STEAP2: variants seen among roughly 807,000 people sequenced by gnomAD.
STEAP2 encodes metalloreductase STEAP2.
STEAP2 carries 30 observed loss-of-function variants against 46.4 expected under a neutral mutation model. That is an observed-to-expected ratio of 0.65 (90% CI 0.48 to 0.88). The LOEUF is 0.88. STEAP2 is among the 40% of genes least tolerant of loss of function. STEAP2 has a pLI of 0.00. For synonymous variants in STEAP2, 180 were observed against 200.5 expected, an observed-to-expected ratio of 0.90 and a Z score of 0.86; for missense variants, 513 against 579.3, an observed-to-expected ratio of 0.89 and a Z score of 1.18.
rs925278902 is a variant in STEAP2, at chr7:90,234,620, G to C, written c.*1996G>C. On this transcript the variant is annotated 3_prime_UTR_variant, in exon 6 of 6. Coordinates refer to ENST00000394621, the MANE Select transcript of STEAP2 (RefSeq NM_001244944.2). ...GGCTGGAGTGCAGTGGCACGATCTCGGCTCACTGCAAGCTCTGCCTCCCGG... is the reference window on the plus strand; with the variant it reads ...GGCTGGAGTGCAGTGGCACGATCTCCGCTCACTGCAAGCTCTGCCTCCCGG... 28 of 787,252 alleles carry C rather than the reference G, an allele frequency of 3.6e-5. No individual in the cohort carries two copies. Among genetic ancestry groups the C allele is most frequent in the Non-Finnish European group, 4.1e-5 (27 of 653,712 alleles). 48.8% of individuals were successfully genotyped at this position (787,252 alleles called of 1,614,324 possible).
Position 90,229,913 on chromosome 7 carries a change from TTGGAGAATTGAAA to T in STEAP2, c.1065_1077del (p.Trp355CysfsTer7). The T allele has an allele frequency of 6.2e-7, 1 of 1,613,262 alleles. No homozygotes were observed. Among genetic ancestry groups the T allele is most frequent in the Non-Finnish European group, 8.5e-7 (1 of 1,179,470 alleles). ...AAAACTCTTGGAATGAGGAAGAAGT[TTGGAGAATTGAAA>T]TGTATATCTCCTTTGGCATAATGAG... is the stretch of plus-strand genomic sequence containing the variant. On this transcript the variant is annotated frameshift_variant, in exon 5 of 6. Transcript: ENST00000394621.
Position 90,233,615 on chromosome 7 carries a change from G to A in STEAP2, c.*991G>A. ...TTTAATACTTAGAACAACCCCGTGA[G>A]ATAAGTAGTTATTATCCTCATTTTA... is the stretch of plus-strand genomic sequence containing the variant. On this transcript the variant is annotated 3_prime_UTR_variant, in exon 6 of 6. Transcript: ENST00000394621. 5 of 884,126 alleles carry A rather than the reference G, an allele frequency of 5.7e-6. No individual in the cohort carries two copies. The South Asian group carries it at 2.6e-4, about 46-fold the overall frequency. The allele number at this position is 884,126 out of a possible 1,614,324, so 54.8% of individuals were successfully genotyped here.
intron 2 of STEAP2, among the ~76,000 whole-genome samples, chr7:90,223,062 A>G (rs145275133): frequency 1.3e-5 from 2 of 152,316 alleles, no homozygotes; most frequent in Non-Finnish European, 2.9e-5. Flanking sequence ...CTAGTCTCTC[A>G]ACTAAAAAAT....
At chr7:90,219,195 G>C (rs2116195390) in intron 2 of STEAP2, among the ~76,000 whole-genome samples, 1 of 151,870 alleles carries the variant, frequency 6.6e-6, no homozygotes, top group African/African-American at 2.4e-5. Context: ...AAATCTTTAG[G>C]TTTATCTAGA....
intron 2 of STEAP2, among the ~76,000 whole-genome samples, chr7:90,224,629 C>A (rs545184928): frequency 6.6e-6 from 1 of 152,300 alleles, no homozygotes; most frequent in South Asian, 2.1e-4. Context: ...TGGGGGCTTT[C>A]CTGTCCTGCA....
At position 90,232,460 on chromosome 7, in the gene STEAP2, G is replaced by A; in HGVS notation, c.1309G>A (p.Val437Ile). 2 of 1,613,702 alleles carry A rather than the reference G, an allele frequency of 1.2e-6. No individual in the cohort carries two copies. Among genetic ancestry groups the A allele is most frequent in the Non-Finnish European group, 1.7e-6 (2 of 1,179,734 alleles). Residue 437 changes from valine to isoleucine, a missense_variant, in exon 6 of 6, where the codon GTT (valine) becomes ATT (isoleucine). Transcript: ENST00000394621. The stretch of plus-strand genomic sequence containing the variant: ...ACCACCAAACTTTGTTCTTGCTCTT[G>A]TTTTGCCCTCAATTGTAATTCTGGG... ...YTPPNFVLAL[V>I]LPSIVILGKI...
rs747176434 is a variant in STEAP2, at chr7:90,236,894, T to C, written c.*4270T>C. 6.2e-7 allele frequency: 1 copy of C among 1,613,952 alleles called. No individual in the cohort carries two copies. The highest frequency in any genetic ancestry group is 1.3e-5 in the African/African-American group (1 of 74,934). The stretch of plus-strand genomic sequence containing the variant: ...TCTCTTGAAATTGTCTTTAAAGATC[T>C]TTTGCAGCTTTGCAGATACCCAGAC... On this transcript the variant is annotated 3_prime_UTR_variant, in exon 6 of 6. Coordinates refer to ENST00000394621, the MANE Select transcript of STEAP2 (RefSeq NM_001244944.2).
At chr7:90,223,929 T>C (rs1163631798) in intron 2 of STEAP2, among the ~76,000 whole-genome samples, 3 of 152,208 alleles carry the variant, frequency 2.0e-5, no homozygotes, top group Admixed American at 6.5e-5. Flanking sequence ...TAGGGAACTT[T>C]ATAACCTCTA....
At chr7:90,223,853 G>A (rs2116260297) in intron 2 of STEAP2, among the ~76,000 whole-genome samples, 1 of 152,216 alleles carries the variant, frequency 6.6e-6, no homozygotes, top group African/African-American at 2.4e-5. Flanking sequence ...TTAAGTGCCA[G>A]GATTCATTGT....
chr7:90,224,924 A>T, intron 2 of STEAP2, 126 bp from the exon 3 acceptor site: 1 of 718,336 alleles, frequency 1.4e-6, no homozygotes, highest in Non-Finnish European at 2.2e-6. Context: ...ATTGTGTCTT[A>T]CTGTGCTGTA....
Position 90,236,403 on chromosome 7 carries a change from A to C in STEAP2, c.*3779A>C, listed in dbSNP as rs2116409084. 1.0e-6 allele frequency: 1 copy of C among 985,024 alleles called. No homozygotes were observed. The highest frequency in any genetic ancestry group is 1.1e-4 in the East Asian group (1 of 8,816). The allele number at this position is 985,024 out of a possible 1,614,324, so 61.0% of individuals were successfully genotyped here. ...TTGTAAATCCATGACTTAAAACAAG[A>C]TACATACATAGTATAACACACCTCA... On this transcript the variant is annotated 3_prime_UTR_variant, in exon 6 of 6. Coordinates refer to ENST00000394621, the MANE Select transcript of STEAP2 (RefSeq NM_001244944.2).
Position 90,236,720 on chromosome 7 carries a change from T to A in STEAP2, c.*4096T>A, listed in dbSNP as rs951289073. ...TCAGCCTAACATACTGAGTTTTTTT[T>A]AACTTTCTAAATTATTGAATTTCCA... On this transcript the variant is annotated 3_prime_UTR_variant, in exon 6 of 6. Coordinates refer to ENST00000394621, the MANE Select transcript of STEAP2 (RefSeq NM_001244944.2). 2.1e-6 allele frequency: 3 copies of A among 1,397,232 alleles called. No homozygotes were observed. Among genetic ancestry groups the A allele is most frequent in the Non-Finnish European group, 2.8e-6 (3 of 1,080,382 alleles). 86.6% of individuals were successfully genotyped at this position (1,397,232 alleles called of 1,614,324 possible). A position where few individuals can be genotyped will look rare whatever the true frequency, so the allele number is the denominator to read the frequency against.
At chr7:90,230,308 A>G (rs142540759) in intron 5 of STEAP2, among the ~76,000 whole-genome samples, 82 of 152,080 alleles carry the variant, frequency 5.4e-4, no homozygotes, top group African/African-American at 1.9e-3. Flanking sequence ...GAAAAAAAAA[A>G]TGAAAGTTGG....
chr7:90,226,948 G>T, intron 3 of STEAP2, 23 bp from the exon 4 acceptor site: 1 of 1,542,662 alleles, frequency 6.5e-7, no homozygotes, highest in South Asian at 1.3e-5. Context: ...TGGTAATGCT[G>T]AGTCTTTTTG....
the STEAP2 span, among the ~76,000 whole-genome samples, chr7:90,243,377 G>A: frequency 1.3e-5 from 2 of 152,264 alleles, no homozygotes; most frequent in African/African-American, 2.4e-5. Flanking sequence ...TTAAAAAACA[G>A]ATTAAAAGAG....
intron 2 of STEAP2, among the ~76,000 whole-genome samples, chr7:90,223,782 A>T (rs905174465): frequency 6.6e-6 from 1 of 152,236 alleles, no homozygotes; most frequent in Non-Finnish European, 1.5e-5. Flanking sequence ...GGTGAATGAT[A>T]GAAGTCCATG....
chr7:90,228,550 A>G (rs1795599287), intron 4 of STEAP2, among the ~76,000 whole-genome samples: 1 of 152,006 alleles, frequency 6.6e-6, no homozygotes, highest in Non-Finnish European at 1.5e-5. Flanking sequence ...CCTCTGCCCC[A>G]ACCAGTATTC....
intron 1 of STEAP2, 157 bp from the exon 2 acceptor site, chr7:90,216,334 T>C (rs1008487483): frequency 3.9e-5 from 6 of 152,180 alleles, no homozygotes; most frequent in African/African-American, 9.7e-5. Flanking sequence ...AGCAGGATCA[T>C]GATGCCTGGA....
At chr7:90,218,008 C>A (rs927634174) in intron 2 of STEAP2, among the ~76,000 whole-genome samples, 1 of 152,048 alleles carries the variant, frequency 6.6e-6, no homozygotes. Flanking sequence ...ATATGCATTT[C>A]TCTGGTGATT....
Sources: gnomAD v4.1 joint callset for allele counts (sites outside exome capture counted in the v4.1 genomes callset) on GRCh38, gnomAD v4.1.1 for gene constraint, MANE v1.5 for transcripts, NCBI Gene and HGNC (gene_info 2026-07-23, HGNC 2026-07-21) for gene names.